The following GPR107 variants were observed in gnomAD, a reference collection of about 807,000 sequenced individuals.
The protein encoded by GPR107 is G protein-coupled receptor 107.
GPR107 carries 31 observed loss-of-function variants against 75.5 expected under a neutral mutation model. That is an observed-to-expected ratio of 0.41 (90% CI 0.31 to 0.55). GPR107 has a LOEUF of 0.55. Ranked by LOEUF, GPR107 falls within the 20% of genes least tolerant of loss-of-function variation. GPR107 has a pLI of 0.26. For synonymous variants in GPR107, 267 were observed against 251.3 expected (o/e 1.06, Z -0.59); for missense variants, 572 against 665.7 (o/e 0.86, Z 1.55).
chr9:130,071,225 C>G lies in GPR107; in HGVS notation c.142-4411C>G, dbSNP rs192964044. On this transcript the variant is annotated intron_variant, in intron 1 of 17. Coordinates refer to ENST00000347136, the MANE Select transcript of GPR107 (RefSeq NM_020960.5). ...TTTTTTTTTGCTAGAGATGGGGTTT[C>G]TCTGTTGCCTAGGGTGGTTTCAAAC... 4.6e-3 allele frequency among the ~76,000 whole-genome samples: 674 copies of G among 146,454 alleles called. 21 individuals carry two copies. Among genetic ancestry groups the G allele is most frequent in the Admixed American group, 0.036 (530 of 14,614 alleles).
chr9:130,115,626 G>A (rs1369593156), intron 14 of GPR107, among the ~76,000 whole-genome samples: 2 of 151,926 alleles, frequency 1.3e-5, no homozygotes, highest in Non-Finnish European at 2.9e-5. Flanking sequence ...ATTAGCTGGC[G>A]TGGTGGTGGG....
intron 9 of GPR107, among the ~76,000 whole-genome samples, chr9:130,093,224 C>A (rs1183367513): frequency 6.6e-6 from 1 of 151,808 alleles, no homozygotes; most frequent in Admixed American, 6.6e-5. Flanking sequence ...TTTTCTGAAA[C>A]CCCCGAGGCT....
chr9:130,132,131 C>T (rs116899785), intron 17 of GPR107, among the ~76,000 whole-genome samples: 2,511 of 151,578 alleles, frequency 0.017, 35 homozygotes, highest in Non-Finnish European at 0.027. Flanking sequence ...GCAGTCCTCC[C>T]GCCTCAGCCG....
intron 14 of GPR107, among the ~76,000 whole-genome samples, chr9:130,108,992 C>CTTTTTTTTT (rs11316244): frequency 3.0e-5 from 2 of 66,068 alleles, no homozygotes; most frequent in Non-Finnish European, 5.3e-5. Flanking sequence ...TGGGGATATT[C>CTTTTTTTTT]TTTTTTTTTT....
chr9:130,100,665 A>T lies in GPR107; in HGVS notation c.976A>T (p.Ile326Phe), dbSNP rs762321436. 3 of 1,613,430 alleles carry T rather than the reference A, an allele frequency of 1.9e-6. No individual in the cohort carries two copies. Among genetic ancestry groups the T allele is most frequent in the Non-Finnish European group, 2.5e-6 (3 of 1,179,286 alleles). Residue 326 changes from isoleucine (I) to phenylalanine (F), a missense_variant, in exon 11 of 18, where the codon ATC (isoleucine) becomes TTC (phenylalanine). Physicochemically the swap from Ile to Phe is conservative, Grantham distance 21. Transcript: ENST00000347136. ...CTACATCTCCTCCCAGGGCTTCCCT[A>T]TCGAAGGCTGGGCTGTTGTGTACTA... ...YHYISSQGFP[I>F]EGWAVVYYIT...
chr9:130,071,176 C>A (rs955613223), intron 1 of GPR107, among the ~76,000 whole-genome samples: 1 of 150,934 alleles, frequency 6.6e-6, no homozygotes, highest in Admixed American at 6.6e-5. Context: ...GCTAGGATGC[C>A]ACCACAACTG....
At chr9:130,121,174 C>A (rs1831536828) in intron 14 of GPR107, among the ~76,000 whole-genome samples, 2 of 136,244 alleles carry the variant, frequency 1.5e-5, no homozygotes, top group Admixed American at 7.4e-5. Flanking sequence ...GCGAGTGAGA[C>A]CCTATCTCAA....
In GPR107 at chr9:130,100,643, C is replaced by T. The variant is rs2132608843; in HGVS notation, c.954C>T (p.Tyr318=). 3.1e-6 allele frequency: 5 copies of T among 1,611,894 alleles called. 1 individual carries two copies. The highest frequency in any genetic ancestry group is 4.2e-6 in the Non-Finnish European group (5 of 1,177,876). The change falls in exon 11 of 18, where the codon TAC becomes TAT. Residue 318 remains tyrosine, a synonymous_variant. Transcript: ENST00000347136. ...SLVFHAIDYH[Y]ISSQGFPIEG... ...TTTGATTTCAGATTGACTACCACTA[C>T]ATCTCCTCCCAGGGCTTCCCTATCG...
At position 130,137,855 on chromosome 9, in the gene GPR107, T is replaced by C. The variant is rs1564691043; in HGVS notation, c.*2734T>C. ...TTCAGATCGGGCAAAAAATATCGGA[T>C]GCACATAGCAGAACCATTGGTGGTA... On this transcript the variant is annotated 3_prime_UTR_variant, in exon 18 of 18. Coordinates refer to ENST00000347136, the MANE Select transcript of GPR107 (RefSeq NM_020960.5). The C allele has an allele frequency of 6.6e-6, 1 of 152,256 alleles. No individual in the cohort carries two copies. Among genetic ancestry groups the C allele is most frequent in the Non-Finnish European group, 1.5e-5 (1 of 68,044 alleles). 9.4% of individuals were successfully genotyped at this position (152,256 alleles called of 1,614,324 possible). A position where few individuals can be genotyped will look rare whatever the true frequency, so the allele number is the denominator to read the frequency against.
chr9:130,077,455 TGG>T, intron 4 of GPR107, 77 bp downstream of exon 4: 1 of 799,396 alleles, frequency 1.3e-6, no homozygotes, highest in Non-Finnish European at 2.3e-6. Flanking sequence ...TAACATTCCT[TGG>T]GTGTCTGCCA....
intron 14 of GPR107, among the ~76,000 whole-genome samples, chr9:130,108,175 T>A (rs553468046): frequency 6.6e-6 from 1 of 152,308 alleles, no homozygotes; most frequent in East Asian, 1.9e-4. Context: ...AAGTGAGAAT[T>A]TCAGACCACA....
chr9:130,071,932 G>T (rs530667419), intron 1 of GPR107, among the ~76,000 whole-genome samples: 1 of 151,406 alleles, frequency 6.6e-6, no homozygotes, highest in South Asian at 2.1e-4. Context: ...TGATCCGTCC[G>T]CCGCGGCCTC....
In GPR107 at chr9:130,103,048, C is replaced by A. The variant is rs1461361409; in HGVS notation, c.1132-1372C>A. Among the ~76,000 whole-genome samples the A allele has an allele frequency of 6.6e-6, 1 of 152,036 alleles. No individual in the cohort carries two copies. The highest frequency in any genetic ancestry group is 2.4e-5 in the African/African-American group (1 of 41,380). On this transcript the variant is annotated intron_variant, in intron 12 of 17. Coordinates refer to ENST00000347136, the MANE Select transcript of GPR107 (RefSeq NM_020960.5). This position sits in a 1 kb window ranked among gnomAD's most constrained non-coding sequence, Gnocchi z 4.3. ...TCAAGCAATCCTTCTGCCTTGGCTC[C>A]CCAAATTTCTGGGATTATGGGTATG...
Position 130,056,526 on chromosome 9 carries a change from T to C in GPR107, c.141+2453T>C, listed in dbSNP as rs140621468. ...AATCTTTTGGCTTCCCAGGGCCACA[T>C]TGGAAGATGAAAAGTTGTTTTGGGT... On this transcript the variant is annotated intron_variant, in intron 1 of 17. Transcript: ENST00000347136. Among the ~76,000 whole-genome samples, 54 of 152,198 alleles carry C rather than the reference T, an allele frequency of 3.5e-4. No homozygotes were observed. The East Asian group carries it at 8.7e-3, about 24-fold the overall frequency.
At chr9:130,133,087 G>C (rs1831868202) in intron 17 of GPR107, 1 of 152,146 alleles carries the variant, frequency 6.6e-6, no homozygotes, top group Admixed American at 6.5e-5. Flanking sequence ...CAGCACTCCT[G>C]TCTCTGTTGG....
rs1831028872 is a variant in GPR107, at chr9:130,101,363, T to A, written c.1131+140T>A. ...GTGGAGGTTGAAGACTGAGATTCTC[T>A]TTCTGAATTCTGAACAGACTTCAGG... is the stretch of plus-strand genomic sequence containing the variant. On this transcript the variant is annotated intron_variant, in intron 12 of 17. Transcript: ENST00000347136. The A allele has an allele frequency of 7.4e-6, 5 of 673,296 alleles. No individual in the cohort carries two copies. In the South Asian group the frequency reaches 8.5e-5, roughly 12 times the overall value. The allele number at this position is 673,296 out of a possible 1,614,324, so 41.7% of individuals were successfully genotyped here.
chr9:130,088,227 C>T (rs890027754), intron 7 of GPR107, among the ~76,000 whole-genome samples: 2 of 152,144 alleles, frequency 1.3e-5, no homozygotes, highest in African/African-American at 2.4e-5. Context: ...GTTGTTCACA[C>T]TCTGCTCTCC....
chr9:130,092,201 G>C (rs1317372516), intron 8 of GPR107, 47 bp from the exon 9 acceptor site: 1 of 1,535,750 alleles, frequency 6.5e-7, no homozygotes, highest in East Asian at 2.2e-5. Context: ...CTGAATAAGG[G>C]ATGATATGTT....
chr9:130,130,802 G>A (rs1026714457), intron 17 of GPR107, among the ~76,000 whole-genome samples: 11 of 151,490 alleles, frequency 7.3e-5, no homozygotes, highest in African/African-American at 2.2e-4. Flanking sequence ...ATCGGAAGGC[G>A]GAGGTTGCAG....
Sources: allele counts gnomAD v4.1 joint callset (sites outside exome capture counted in the v4.1 genomes callset), GRCh38; gene constraint gnomAD v4.1.1; non-coding constraint Gnocchi (gnomAD v3.1); transcripts MANE v1.5; gene names NCBI Gene and HGNC (gene_info 2026-07-23, HGNC 2026-07-21).